Variants in GALNT13 observed in about 807,000 individuals in gnomAD.
GALNT13 encodes polypeptide N-acetylgalactosaminyltransferase 13, also known as UDP-GalNAc:polypeptide N-acetylgalactosaminyltransferase 13.
In GALNT13, 28 loss-of-function variants were observed where a neutral mutation model predicts 64.2. That is an observed-to-expected ratio of 0.44 (90% CI 0.32 to 0.60). The LOEUF (loss-of-function observed/expected upper bound fraction) is 0.60, where lower values mean the gene tolerates loss of function less well. GALNT13 is among the 20% of genes least tolerant of loss of function. GALNT13 has a pLI of 0.05. For synonymous variants in GALNT13, 214 were observed against 224.6 expected, an observed-to-expected ratio of 0.95 and a Z score of 0.42; for missense variants, 577 against 669.8, an observed-to-expected ratio of 0.86 and a Z score of 1.53.
the GALNT13 span, among the ~76,000 whole-genome samples, chr2:153,727,325 ATCAT>A: frequency 2.0e-5 from 3 of 152,174 alleles, no homozygotes; most frequent in African/African-American, 7.2e-5. Flanking sequence ...GTAGTTGTAC[ATCAT>A]TCATTCTCAT....
the GALNT13 span, among the ~76,000 whole-genome samples, chr2:153,499,664 G>GAGGGGGCTGAGGGGGC: frequency 6.6e-6 from 1 of 152,246 alleles, no homozygotes; most frequent in East Asian, 1.9e-4. Context: ...CCAAATTCCA[G>GAGGGGGCTGAGGGGGC]AGGGGGCTGA....
intron 4 of GALNT13, among the ~76,000 whole-genome samples, chr2:154,207,875 G>T (rs1021144477): frequency 6.6e-6 from 1 of 152,184 alleles, no homozygotes; most frequent in Non-Finnish European, 1.5e-5. Context: ...CCCTCAGAGA[G>T]CATAGTATTA....
intron 4 of GALNT13, among the ~76,000 whole-genome samples, chr2:154,159,718 T>A (rs1438282063): frequency 6.6e-6 from 1 of 151,898 alleles, no homozygotes; most frequent in Non-Finnish European, 1.5e-5. Context: ...TGGAGCAGAA[T>A]AAGAAAAAAA....
At chr2:153,601,431 T>C in the GALNT13 span, among the ~76,000 whole-genome samples, 3 of 151,832 alleles carry the variant, frequency 2.0e-5, no homozygotes, top group Non-Finnish European at 4.4e-5. Context: ...TTCTAATTGG[T>C]AAGGAATATG....
chr2:154,007,649 T>C (rs574036676), intron 3 of GALNT13, among the ~76,000 whole-genome samples: 1 of 152,094 alleles, frequency 6.6e-6, no homozygotes, highest in East Asian at 1.9e-4. Flanking sequence ...TATAGTTACA[T>C]TACATACCTA....
chr2:153,962,354 G>A (rs916408008), intron 3 of GALNT13, among the ~76,000 whole-genome samples: 6 of 152,298 alleles, frequency 3.9e-5, no homozygotes, highest in African/African-American at 1.4e-4. Context: ...TGTGGAGTAT[G>A]TGGAATGAAT....
intron 9 of GALNT13, among the ~76,000 whole-genome samples, chr2:154,378,353 T>C (rs1698098113): frequency 6.6e-6 from 1 of 152,120 alleles, no homozygotes; most frequent in Non-Finnish European, 1.5e-5. Flanking sequence ...CTTGAGACAA[T>C]AAGGAAATAC....
intron 8 of GALNT13, among the ~76,000 whole-genome samples, chr2:154,293,619 C>T (rs1475657505): frequency 6.6e-6 from 1 of 152,068 alleles, no homozygotes; most frequent in Non-Finnish European, 1.5e-5. Context: ...AAGTTAAGGC[C>T]TTGAAGACTT....
At chr2:153,850,434 C>T in the GALNT13 span, among the ~76,000 whole-genome samples, 7 of 152,228 alleles carry the variant, frequency 4.6e-5, 1 homozygote, top group Admixed American at 3.9e-4. Flanking sequence ...ACAAATTAAC[C>T]GTGTCTCAGA....
intron 8 of GALNT13, among the ~76,000 whole-genome samples, chr2:154,300,099 C>CTT (rs368475927): frequency 0.63 from 73,920 of 117,022 alleles, 25,172 homozygotes; most frequent in South Asian, 0.83. Context: ...TTCTTTCTCT[C>CTT]TTTTTTTTTT....
At chr2:154,050,169 A>C (rs979089510) in intron 3 of GALNT13, among the ~76,000 whole-genome samples, 1 of 152,190 alleles carries the variant, frequency 6.6e-6, no homozygotes, top group Admixed American at 6.5e-5. Context: ...TTTAAAGGAT[A>C]ATAGTAATAA....
At chr2:153,254,518 A>T in the GALNT13 span, among the ~76,000 whole-genome samples, 1 of 151,998 alleles carries the variant, frequency 6.6e-6, no homozygotes, top group African/African-American at 2.4e-5. Context: ...TAGCTTTTGA[A>T]TATGTTTGCC....
At chr2:154,143,308 T>TTTCCTATAACA (rs1683371210) in intron 4 of GALNT13, among the ~76,000 whole-genome samples, 1 of 152,168 alleles carries the variant, frequency 6.6e-6, no homozygotes, top group South Asian at 2.1e-4. Flanking sequence ...TCCTGCTGTG[T>TTTCCTATAACA]GGCTGGGTTC....
Position 154,258,560 on chromosome 2 carries a change from T to A in GALNT13, c.858-461T>A, listed in dbSNP as rs371787160. ...TATAAACATTTTATAGAATTTAATTTTTTTTATTTTTAAATAGGCTATGGA... is the reference window on the plus strand; with the variant it reads ...TATAAACATTTTATAGAATTTAATTATTTTTATTTTTAAATAGGCTATGGA... On this transcript the variant is annotated intron_variant, in intron 7 of 12. Coordinates refer to ENST00000392825, the MANE Select transcript of GALNT13 (RefSeq NM_052917.4). Among the ~76,000 whole-genome samples, 3 of 152,190 alleles carry A rather than the reference T, an allele frequency of 2.0e-5. 1 individual carries two copies. The highest frequency in any genetic ancestry group is 6.5e-5 in the Admixed American group (1 of 15,298).
chr2:153,328,644 A>G, the GALNT13 span, among the ~76,000 whole-genome samples: 3 of 152,016 alleles, frequency 2.0e-5, no homozygotes, highest in African/African-American at 4.8e-5. Context: ...GTAATGGTGG[A>G]CGCCCCTCCC....
At chr2:153,121,267 A>AT in the GALNT13 span, among the ~76,000 whole-genome samples, 8 of 152,146 alleles carry the variant, frequency 5.3e-5, no homozygotes, top group East Asian at 1.9e-4. Context: ...TTAAAAACAC[A>AT]TTTTTTTCTA....
intron 3 of GALNT13, among the ~76,000 whole-genome samples, chr2:153,964,566 T>C (rs962092913): frequency 6.6e-6 from 1 of 152,178 alleles, no homozygotes; most frequent in Admixed American, 6.5e-5. Context: ...AAATTCATTA[T>C]ATATTATATG....
At chr2:153,745,792 C>T in the GALNT13 span, among the ~76,000 whole-genome samples, 1 of 152,088 alleles carries the variant, frequency 6.6e-6, no homozygotes, top group East Asian at 1.9e-4. Flanking sequence ...GCAAACATGG[C>T]TCACTGCAGC....
At chr2:153,470,362 G>T in the GALNT13 span, among the ~76,000 whole-genome samples, 1 of 151,996 alleles carries the variant, frequency 6.6e-6, no homozygotes, top group Non-Finnish European at 1.5e-5. Flanking sequence ...GGGTGTCACT[G>T]GTCATTGACT....
Sources: gnomAD v4.1 joint callset for allele counts (sites outside exome capture counted in the v4.1 genomes callset) on GRCh38, gnomAD v4.1.1 for gene constraint, MANE v1.5 for transcripts, NCBI Gene and HGNC (gene_info 2026-07-23, HGNC 2026-07-21) for gene names.